Variants in POLE2 observed in about 807,000 individuals in gnomAD.
POLE2 encodes DNA polymerase epsilon subunit 2.
Under a neutral mutation model 79.4 loss-of-function variants are expected in POLE2, and 56 were observed. That is an observed-to-expected ratio of 0.71 (90% CI 0.57 to 0.88). The LOEUF is 0.88. Among genes scored for constraint, POLE2 ranks in the 40% least tolerant of loss-of-function variants. POLE2 has a pLI of 0.00. For missense variants in POLE2, 598 were observed against 638.9 expected (o/e 0.94, Z 0.69); for synonymous variants, 212 against 214.0 (o/e 0.99, Z 0.08).
intron 2 of POLE2, among the ~76,000 whole-genome samples, chr14:49,680,569 A>G (rs985262610): frequency 3.3e-5 from 5 of 152,326 alleles, no homozygotes; most frequent in Middle Eastern, 3.4e-3. Context: ...TAAGATGCCC[A>G]TATCTTATAG....
intron 15 of POLE2, 72 bp from the exon 16 acceptor site, chr14:49,651,449 T>A (rs546194111): frequency 3.0e-4 from 196 of 653,856 alleles, no homozygotes; most frequent in Admixed American, 1.4e-3. Context: ...TAAAATCTCT[T>A]ACAATACAAC....
intron 1 of POLE2, chr14:49,684,685 AT>A (rs1390642475): frequency 5.4e-5 from 8 of 146,888 alleles, no homozygotes; most frequent in Non-Finnish European, 9.1e-5. Flanking sequence ...AAAAAAAAAA[AT>A]CATGGCTGGG....
intron 5 of POLE2, among the ~76,000 whole-genome samples, chr14:49,671,026 C>T (rs1039753981): frequency 6.6e-6 from 1 of 152,176 alleles, no homozygotes; most frequent in Non-Finnish European, 1.5e-5. Context: ...ATAATGATAA[C>T]ATCAGATTCA....
At position 49,655,555 on chromosome 14, in the gene POLE2, GCTAA is replaced by G. The variant is rs1244063813; in HGVS notation, c.928+112_928+115del. ...GAAATCTAATTTAAATTATCTCATT[GCTAA>G]CTCTGTTTTTTTTTAAATAGAATAC... is the stretch of plus-strand genomic sequence containing the variant. On this transcript the variant is annotated intron_variant, in intron 11 of 18. Coordinates refer to ENST00000216367, the MANE Select transcript of POLE2 (RefSeq NM_002692.4). 1.1e-5 allele frequency: 8 copies of G among 715,272 alleles called. No homozygotes were observed. The East Asian group carries it at 1.2e-4, about 10-fold the overall frequency. 44.3% of individuals were successfully genotyped at this position (715,272 alleles called of 1,614,324 possible).
chr14:49,654,091 T>C (rs376125646), intron 14 of POLE2, 24 bp from the exon 15 acceptor site: 10 of 1,582,600 alleles, frequency 6.3e-6, no homozygotes, highest in African/African-American at 4.0e-5. Context: ...TTATGTGATA[T>C]AGTTTATCTT....
rs369869091 is a variant in POLE2 at position 49,664,671 on chromosome 14, A to T, written c.637T>A (p.Phe213Ile). The T allele has an allele frequency of 1.4e-5, 22 of 1,580,044 alleles. No homozygotes were observed. In the African/African-American group the frequency reaches 2.3e-4, roughly 16 times the overall value. The change falls in exon 9 of 19, where the codon TTC becomes ATC. Residue 213 changes from phenylalanine to isoleucine, a missense_variant. Coordinates refer to ENST00000216367, the MANE Select transcript of POLE2 (RefSeq NM_002692.4). ...TVQLDLSKAQFHSGLYTEACF... is the reference protein window; with the variant it reads ...TVQLDLSKAQIHSGLYTEACF... ...GCCTCTGTGTATAAACCACTATGGA[A>T]CTGGTACACAACAGTTGAGGAAAAT...
chr14:49,655,755 TCTC>T lies in POLE2; in HGVS notation c.841_843del (p.Glu281del). On this transcript the variant is annotated inframe_deletion, in exon 11 of 19. Transcript: ENST00000216367. ...AAAAACACAAACATAGCATCTTTAT[TCTC>T]CTCTTCTAGCTGTTTTAGTTTTGCA... is the stretch of plus-strand genomic sequence containing the variant. The T allele has an allele frequency of 6.2e-7, 1 of 1,609,550 alleles. No homozygotes were observed. Among genetic ancestry groups the T allele is most frequent in the African/African-American group, 1.3e-5 (1 of 74,894 alleles).
intron 2 of POLE2, among the ~76,000 whole-genome samples, chr14:49,682,448 C>T (rs574909080): frequency 1.3e-3 from 192 of 151,546 alleles, no homozygotes; most frequent in Admixed American, 2.0e-3. Flanking sequence ...ACCAGCCTGG[C>T]CAACATGGTG....
At chr14:49,645,830 G>C (rs1373561008) in intron 18 of POLE2, among the ~76,000 whole-genome samples, 1 of 152,172 alleles carries the variant, frequency 6.6e-6, no homozygotes, top group African/African-American at 2.4e-5. Flanking sequence ...AACAGGCCTT[G>C]CCATGTTGCC....
In POLE2 at chr14:49,647,988, AAAAT is replaced by A. The variant is rs537154670; in HGVS notation, c.1498-632_1498-629del. ...TTAGGAGGAGCTCTACTTAGTGTAA[AAAAT>A]AAACAGACTGTGTAACGCCAAATAT... On this transcript the variant is annotated intron_variant, in intron 17 of 18. Coordinates refer to ENST00000216367, the MANE Select transcript of POLE2 (RefSeq NM_002692.4). Among the ~76,000 whole-genome samples the A allele has an allele frequency of 1.6e-4, 25 of 152,310 alleles. 1 individual carries two copies. The East Asian group carries it at 4.6e-3, about 28-fold the overall frequency.
intron 13 of POLE2, chr14:49,654,419 T>C (rs569757833): frequency 1.7e-5 from 9 of 516,284 alleles, no homozygotes; most frequent in South Asian, 9.3e-5. Flanking sequence ...CACTGCCCAA[T>C]TGAACACTTG....
chr14:49,646,193 AAT>A (rs1883744408), intron 18 of POLE2, among the ~76,000 whole-genome samples: 1 of 151,972 alleles, frequency 6.6e-6, no homozygotes, highest in South Asian at 2.1e-4. Context: ...ATTTTAAATA[AAT>A]ATGTTAATTC....
rs564268523 is a variant in POLE2 at position 49,668,010 on chromosome 14, G to A, written c.492+1514C>T. ...CCAAGGACTGGGCGTGGTGGTTCAC[G>A]CCTGTAATCCCAGCACTTTGGGAGG... On this transcript the variant is annotated intron_variant, in intron 6 of 18. Transcript: ENST00000216367. Among the ~76,000 whole-genome samples the A allele has an allele frequency of 2.0e-5, 3 of 152,226 alleles. No homozygotes were observed. In the East Asian group the frequency reaches 5.8e-4, roughly 29 times the overall value.
Position 49,654,783 on chromosome 14 carries a change from C to A in POLE2, c.1073+1G>T. The A allele has an allele frequency of 6.8e-7, 1 of 1,481,290 alleles. No homozygotes were observed. The allele number at this position is 1,481,290 out of a possible 1,614,324, so 91.8% of individuals were successfully genotyped here. On this transcript the variant is annotated splice_donor_variant, in intron 13 of 18. Coordinates refer to ENST00000216367, the MANE Select transcript of POLE2 (RefSeq NM_002692.4). LOFTEE classifies it high-confidence loss of function. ...AAATATATAGTGCTAGAGATCATTA[C>A]CTTTGGTGAATATCTGGGTATTCAC...
Position 49,666,427 on chromosome 14 carries a change from A to C in POLE2, c.493-14T>G. 1 of 1,219,604 alleles carries C rather than the reference A, an allele frequency of 8.2e-7. No homozygotes were observed. Among genetic ancestry groups the C allele is most frequent in the Non-Finnish European group, 1.1e-6 (1 of 878,388 alleles). The allele number at this position is 1,219,604 out of a possible 1,614,324, so 75.5% of individuals were successfully genotyped here. A position where few individuals can be genotyped will look rare whatever the true frequency, so the allele number is the denominator to read the frequency against. On this transcript the variant is annotated splice_polypyrimidine_tract_variant and intron_variant, in intron 6 of 18. Transcript: ENST00000216367. Reference sequence around the variant, plus strand: ...TATTGTTTTAAGCTAAAATAAAACAAAATAAATTTTAAAGACTGTAAATAT... The same window carrying C: ...TATTGTTTTAAGCTAAAATAAAACACAATAAATTTTAAAGACTGTAAATAT...
At chr14:49,679,550 T>C in intron 3 of POLE2, 175 bp downstream of exon 3, 2 of 525,320 alleles carry the variant, frequency 3.8e-6, no homozygotes, top group Non-Finnish European at 6.9e-6. Context: ...CCAGTAAAGA[T>C]GAGTCATTTA....
intron 8 of POLE2, 68 bp downstream of exon 8, chr14:49,665,039 G>C: frequency 1.3e-6 from 1 of 758,176 alleles, no homozygotes; most frequent in South Asian, 1.6e-5. Flanking sequence ...AATTTTAGAA[G>C]GATATATAAT....
intron 10 of POLE2, among the ~76,000 whole-genome samples, chr14:49,659,798 A>C (rs1384401359): frequency 6.6e-6 from 1 of 152,028 alleles, no homozygotes; most frequent in Non-Finnish European, 1.5e-5. Flanking sequence ...TGTTGTCTAG[A>C]CTGGTCTCAA....
chr14:49,656,223 C>A, intron 10 of POLE2, among the ~76,000 whole-genome samples: 2 of 152,056 alleles, frequency 1.3e-5, no homozygotes, highest in East Asian at 3.9e-4. Context: ...GGCGACGTGG[C>A]GGGCGCCTGT....
Sources: gnomAD v4.1 joint callset for allele counts (sites outside exome capture counted in the v4.1 genomes callset) on GRCh38, gnomAD v4.1.1 for gene constraint, MANE v1.5 for transcripts, NCBI Gene and HGNC (gene_info 2026-07-23, HGNC 2026-07-21) for gene names.